The following ENOX2 variants were observed in gnomAD, a reference collection of about 807,000 sequenced individuals.
ENOX2 encodes APK1 antigen.
ENOX2 carries 36 observed loss-of-function variants against 45.0 expected under a neutral mutation model. The ratio of observed to expected loss-of-function variants is 0.80; its 90% confidence interval spans 0.61 to 1.06. The LOEUF is 1.06. Among genes scored for constraint, ENOX2 ranks in the 50% least tolerant of loss-of-function variants. The pLI, the probability that ENOX2 is intolerant of heterozygous loss-of-function variation, is 0.00. For missense variants in ENOX2, 423 were observed against 462.5 expected (o/e 0.91, Z 0.78); for synonymous variants, 174 against 152.3 (o/e 1.14, Z -1.05).
chrX:130,707,513 C>T, intron 3 of ENOX2, among the ~76,000 whole-genome samples: 1 of 106,716 alleles, frequency 9.4e-6, no homozygotes, highest in Admixed American at 1.0e-4. Context: ...AGACTACACA[C>T]ACACACACAC....
intron 2 of ENOX2, among the ~76,000 whole-genome samples, chrX:130,811,126 T>C (rs1603355656): frequency 9.0e-6 from 1 of 111,442 alleles, no homozygotes; most frequent in East Asian, 2.8e-4. Flanking sequence ...ATTCAGGCTA[T>C]CTGCCTACAT....
At position 130,881,521 on chromosome X, in the gene ENOX2, A is replaced by T. The variant is rs948892582; in HGVS notation, c.-183+20163T>A. ...GGGGATTCAGAAATCTACATTTTAC[A>T]CATGTCTTAGGTAACGCTGTCACAG... On this transcript the variant is annotated intron_variant, in intron 2 of 14. Transcript: ENST00000394363. Among the ~76,000 whole-genome samples the T allele has an allele frequency of 6.2e-5, 7 of 112,237 alleles. No individual in the cohort carries two copies. The East Asian group carries it at 2.0e-3, about 31-fold the overall frequency.
chrX:130,692,570 ATCTC>A (rs992614697), intron 4 of ENOX2, among the ~76,000 whole-genome samples: 5 of 104,032 alleles, frequency 4.8e-5, no homozygotes, highest in Admixed American at 1.0e-4. Context: ...GATTTGTATT[ATCTC>A]TCTCTGTTTT....
At chrX:130,716,069 A>G (rs1334574497) in intron 3 of ENOX2, among the ~76,000 whole-genome samples, 2 of 111,597 alleles carry the variant, frequency 1.8e-5, no homozygotes, top group Non-Finnish European at 3.8e-5. Context: ...AAATACCAGT[A>G]CAGGAACCAG....
chrX:130,673,733 A>T (rs2037053554), intron 6 of ENOX2, among the ~76,000 whole-genome samples: 1 of 112,373 alleles, frequency 8.9e-6, no homozygotes. Flanking sequence ...TGAGAAGAAT[A>T]AAAGTAAAAA....
chrX:130,690,646 A>G (rs1029082663), intron 4 of ENOX2, among the ~76,000 whole-genome samples: 1 of 111,847 alleles, frequency 8.9e-6, no homozygotes, highest in Non-Finnish European at 1.9e-5. Context: ...CAGAAGAGCA[A>G]TGCCTGTACA....
chrX:130,866,078 A>G (rs1363243479), intron 2 of ENOX2, among the ~76,000 whole-genome samples: 1 of 111,625 alleles, frequency 9.0e-6, no homozygotes, highest in Non-Finnish European at 1.9e-5. Flanking sequence ...GTCATCATCA[A>G]CTACTTAAAA....
chrX:130,874,656 C>T (rs2078659085), intron 2 of ENOX2, among the ~76,000 whole-genome samples: 1 of 112,211 alleles, frequency 8.9e-6, no homozygotes, highest in Non-Finnish European at 1.9e-5. Context: ...CTATTTGTAA[C>T]ATTCTATTCC....
At chrX:130,886,432 GT>G (rs2078903505) in intron 2 of ENOX2, among the ~76,000 whole-genome samples, 1 of 112,302 alleles carries the variant, frequency 8.9e-6, no homozygotes, top group Non-Finnish European at 1.9e-5. Context: ...CTTTCTCAGG[GT>G]TTTTCATTTG....
intron 6 of ENOX2, among the ~76,000 whole-genome samples, chrX:130,675,762 G>A (rs2037132299): frequency 9.0e-6 from 1 of 111,543 alleles, no homozygotes; most frequent in South Asian, 3.8e-4. Context: ...CAAAAGGGGT[G>A]TAAAGGAAGC....
intron 2 of ENOX2, among the ~76,000 whole-genome samples, chrX:130,844,964 CT>C (rs758368318): frequency 8.9e-6 from 1 of 112,309 alleles, no homozygotes; most frequent in African/African-American, 3.2e-5. Context: ...CCATTTAGTT[CT>C]CATAAACAGT....
chrX:130,749,766 G>A (rs1285957890), intron 3 of ENOX2, among the ~76,000 whole-genome samples: 2 of 110,236 alleles, frequency 1.8e-5, no homozygotes, highest in East Asian at 2.9e-4. Context: ...AAGAGTGAGA[G>A]GGCACCTCTC....
rs189263782 is a variant in ENOX2, at chrX:130,846,430, C to T, written c.-183+55254G>A. Reference sequence around the variant, plus strand: ...TCGGCTCACCGCAACCTCTGCCTCCCGGATTCAAGCGATTCTCCTGCCTCT... The same window carrying T: ...TCGGCTCACCGCAACCTCTGCCTCCTGGATTCAAGCGATTCTCCTGCCTCT... On this transcript the variant is annotated intron_variant, in intron 2 of 14. Coordinates refer to ENST00000394363, the MANE Select transcript of ENOX2 (RefSeq NM_006375.4). Among the ~76,000 whole-genome samples, 80 of 110,120 alleles carry T rather than the reference C, an allele frequency of 7.3e-4. 2 individuals carry two copies. Among genetic ancestry groups the T allele is most frequent in the African/African-American group, 2.5e-3 (75 of 30,195 alleles).
chrX:130,891,356 G>A, intron 2 of ENOX2, among the ~76,000 whole-genome samples: 1 of 107,413 alleles, frequency 9.3e-6, no homozygotes. Flanking sequence ...AGTTACAGAT[G>A]AGTTGTTTGG....
chrX:130,733,473 C>T (rs1045977583), intron 3 of ENOX2, among the ~76,000 whole-genome samples: 2 of 110,714 alleles, frequency 1.8e-5, no homozygotes, highest in Non-Finnish European at 1.9e-5. Context: ...AACATTTATC[C>T]CAGAGAAATG....
intron 4 of ENOX2, among the ~76,000 whole-genome samples, chrX:130,692,406 A>G (rs1476077786): frequency 4.4e-5 from 5 of 112,806 alleles, no homozygotes; most frequent in Non-Finnish European, 9.4e-5. Context: ...GAAATCATAT[A>G]AAAGAGTTAT....
chrX:130,775,268 T>G, intron 3 of ENOX2, among the ~76,000 whole-genome samples: 1 of 110,374 alleles, frequency 9.1e-6, no homozygotes, highest in Non-Finnish European at 1.9e-5. Context: ...TAGTCCCAGC[T>G]ACTTGGGGTG....
At chrX:130,879,017 T>C (rs1198781874) in intron 2 of ENOX2, among the ~76,000 whole-genome samples, 3 of 112,283 alleles carry the variant, frequency 2.7e-5, no homozygotes, top group African/African-American at 6.5e-5. Flanking sequence ...GTTCCTCATA[T>C]TCCTTACCAC....
At chrX:130,786,292 T>C (rs1314044467) in intron 2 of ENOX2, among the ~76,000 whole-genome samples, 1 of 112,437 alleles carries the variant, frequency 8.9e-6, no homozygotes, top group Non-Finnish European at 1.9e-5. Flanking sequence ...TGCATCTCCA[T>C]CATTTGAGTA....
Sources: gnomAD v4.1 joint callset for allele counts (sites outside exome capture counted in the v4.1 genomes callset) on GRCh38, gnomAD v4.1.1 for gene constraint, MANE v1.5 for transcripts, NCBI Gene and HGNC (gene_info 2026-07-23, HGNC 2026-07-21) for gene names.